The following HIVEP3 variants were observed in gnomAD, a reference collection of about 807,000 sequenced individuals.
HIVEP3 encodes HIVEP zinc finger 3.
In HIVEP3, 49 loss-of-function variants were observed where a neutral mutation model predicts 152.8. The observed-to-expected ratio is 0.32, with a 90% CI of 0.26 to 0.41. The LOEUF is 0.41. HIVEP3 is among the 10% of genes least tolerant of loss of function. HIVEP3 has a pLI of 1.00. For missense variants in HIVEP3, 2,790 were observed against 3,103.3 expected, an observed-to-expected ratio of 0.90 and a Z score of 2.40; for synonymous variants, 1,269 against 1,289.0, an observed-to-expected ratio of 0.98 and a Z score of 0.33.
chr1:41,767,964 T>C (rs1408832309), intron 1 of HIVEP3, among the ~76,000 whole-genome samples: 1 of 152,256 alleles, frequency 6.6e-6, no homozygotes, highest in Non-Finnish European at 1.5e-5. Context: ...TTCATGCTCA[T>C]GAAGCCATGA....
At chr1:42,002,489 G>C (rs11210562) in intron 1 of HIVEP3, among the ~76,000 whole-genome samples, 1 of 152,180 alleles carries the variant, frequency 6.6e-6, no homozygotes. Flanking sequence ...GAAAGATCAG[G>C]ACTGGCTCTG....
Position 41,585,036 on chromosome 1 carries a change from A to G in HIVEP3, c.-239T>C. 2.5e-6 allele frequency: 1 copy of G among 403,560 alleles called. No homozygotes were observed. The highest frequency in any genetic ancestry group is 4.4e-6 in the Non-Finnish European group (1 of 229,512). The allele number at this position is 403,560 out of a possible 1,614,324, so 25.0% of individuals were successfully genotyped here. On this transcript the variant is annotated 5_prime_UTR_variant, in exon 4 of 9. Transcript: ENST00000372583. The stretch of plus-strand genomic sequence containing the variant: ...TGAGGCATGGCCCTCTACTTTGCAG[A>G]CAGAAAACGCACCAGCACTTTCTGC...
At chr1:41,740,373 G>A (rs190333866) in intron 1 of HIVEP3, among the ~76,000 whole-genome samples, 40 of 152,370 alleles carry the variant, frequency 2.6e-4, no homozygotes, top group Middle Eastern at 3.4e-3. Context: ...CTTCTCTGCC[G>A]CTCTTCTATT....
At chr1:41,927,467 A>C (rs2124478357) in intron 1 of HIVEP3, among the ~76,000 whole-genome samples, 1 of 152,310 alleles carries the variant, frequency 6.6e-6, no homozygotes, top group East Asian at 1.9e-4. Context: ...AAACACCCCA[A>C]ATCACATGTA....
chr1:41,689,318 T>C (rs1181695725), intron 2 of HIVEP3, among the ~76,000 whole-genome samples: 1 of 152,182 alleles, frequency 6.6e-6, no homozygotes, highest in East Asian at 1.9e-4. Flanking sequence ...GTTAGAACTG[T>C]GTGCAAACCA....
chr1:41,526,303 T>TA (rs1642906014), intron 5 of HIVEP3, among the ~76,000 whole-genome samples: 1 of 61,048 alleles, frequency 1.6e-5, no homozygotes, highest in African/African-American at 6.7e-5. Context: ...TCACACACAC[T>TA]CACCCTCACA....
intron 1 of HIVEP3, among the ~76,000 whole-genome samples, chr1:41,830,560 G>A (rs1642930568): frequency 6.6e-6 from 1 of 151,756 alleles, no homozygotes; most frequent in Non-Finnish European, 1.5e-5. Flanking sequence ...TGTTACCAAG[G>A]CCATACACCT....
intron 1 of HIVEP3, among the ~76,000 whole-genome samples, chr1:41,811,505 T>A (rs1454397169): frequency 1.3e-5 from 2 of 152,070 alleles, no homozygotes; most frequent in Non-Finnish European, 2.9e-5. Flanking sequence ...GCATTAATTA[T>A]CAGTTACATT....
intron 2 of HIVEP3, among the ~76,000 whole-genome samples, chr1:41,699,919 C>T (rs1009326125): frequency 7.9e-5 from 12 of 152,008 alleles, no homozygotes; most frequent in African/African-American, 1.2e-4. Context: ...AGAGTCCTGC[C>T]GCTCTCTTGG....
intron 2 of HIVEP3, among the ~76,000 whole-genome samples, chr1:41,673,447 C>A (rs567468236): frequency 6.6e-6 from 1 of 152,320 alleles, no homozygotes; most frequent in South Asian, 2.1e-4. Flanking sequence ...AAGGTTATTA[C>A]CCCCATTTCA....
chr1:41,891,478 G>A (rs187100198), intron 1 of HIVEP3, among the ~76,000 whole-genome samples: 1 of 152,328 alleles, frequency 6.6e-6, no homozygotes, highest in East Asian at 1.9e-4. Flanking sequence ...GGTTACCACA[G>A]CAAGGTCCAT....
At chr1:41,685,399 T>C (rs1646099661) in intron 2 of HIVEP3, among the ~76,000 whole-genome samples, 1 of 152,232 alleles carries the variant, frequency 6.6e-6, no homozygotes, top group African/African-American at 2.4e-5. Context: ...AGGCTGCAGA[T>C]ACAGTACAAG....
At chr1:41,778,848 G>A (rs1169645150) in intron 1 of HIVEP3, among the ~76,000 whole-genome samples, 2 of 152,212 alleles carry the variant, frequency 1.3e-5, no homozygotes, top group South Asian at 2.1e-4. Context: ...GTTACATCGG[G>A]TGGTACGGAA....
rs34180186 is a variant in HIVEP3, at chr1:41,851,289, C to CTTTT, written c.-801+67120_-801+67123dup. Among the ~76,000 whole-genome samples, 125 of 59,782 alleles carry CTTTT rather than the reference C, an allele frequency of 2.1e-3. 2 individuals carry two copies. The highest frequency in any genetic ancestry group is 8.7e-3 in the East Asian group (12 of 1,376). 39.2% of individuals were successfully genotyped at this position (59,782 alleles called of 152,430 possible). On this transcript the variant is annotated intron_variant, in intron 1 of 8. Transcript: ENST00000372583. ...GATGAGAGAGCACCTTCTTCTTCTT[C>CTTTT]TTTTTTTTTTTTTTTTTTTTTTTTT... is the stretch of plus-strand genomic sequence containing the variant.
intron 5 of HIVEP3, among the ~76,000 whole-genome samples, chr1:41,541,130 C>T (rs1427350584): frequency 2.0e-5 from 3 of 152,260 alleles, no homozygotes; most frequent in Admixed American, 6.5e-5. Context: ...CTGCCTCCTC[C>T]GACCAGCTGT....
chr1:41,946,539 T>A (rs936006362), intron 1 of HIVEP3, among the ~76,000 whole-genome samples: 4 of 152,154 alleles, frequency 2.6e-5, no homozygotes, highest in Admixed American at 6.5e-5. Flanking sequence ...TTTACTCTTT[T>A]CACATGCTTT....
chr1:41,713,644 G>A (rs767232101), intron 1 of HIVEP3, among the ~76,000 whole-genome samples: 2 of 152,166 alleles, frequency 1.3e-5, no homozygotes, highest in African/African-American at 2.4e-5. Flanking sequence ...TTGTAACCTG[G>A]TACTACAGTT....
At position 41,582,290 on chromosome 1, in the gene HIVEP3, G is replaced by C. The variant is rs144252746; in HGVS notation, c.2508C>G (p.His836Gln). 6.2e-7 allele frequency: 1 copy of C among 1,614,144 alleles called. No individual in the cohort carries two copies. The highest frequency in any genetic ancestry group is 8.5e-7 in the Non-Finnish European group (1 of 1,180,004). ...GCTGCAGGGAGTGAGCAGAGCGTCC[G>C]TGTGGGGCAGGTGGGGGTGATGGGA... is the stretch of plus-strand genomic sequence containing the variant. ...AQFPSPPPAP[H>Q]GRSAHSLQPK... The change falls in exon 4 of 9, where the codon CAC becomes CAG. Residue 836 changes from histidine to glutamine, a missense_variant. This residue lies in a region of HIVEP3 where 1,078 missense variants were observed against 1,165.3 expected (regional missense o/e 0.93). Coordinates refer to ENST00000372583, the MANE Select transcript of HIVEP3 (RefSeq NM_024503.5). This position sits in a 1 kb window ranked among gnomAD's most constrained non-coding sequence, Gnocchi z 4.7.
intron 2 of HIVEP3, among the ~76,000 whole-genome samples, chr1:41,679,623 C>T (rs753295421): frequency 6.6e-6 from 1 of 152,210 alleles, no homozygotes; most frequent in Non-Finnish European, 1.5e-5. Context: ...CCAGCTGTGG[C>T]TCTGCTGGCA....
Sources: allele counts gnomAD v4.1 joint callset (sites outside exome capture counted in the v4.1 genomes callset), GRCh38; gene constraint gnomAD v4.1.1; regional missense constraint gnomAD v4.1.1; non-coding constraint Gnocchi (gnomAD v3.1); transcripts MANE v1.5; gene names NCBI Gene and HGNC (gene_info 2026-07-23, HGNC 2026-07-21).